EBF1: variants seen among roughly 807,000 people sequenced by gnomAD.
EBF1 encodes the protein EBF transcription factor 1, also known as transcription factor COE1.
EBF1 carries 10 observed loss-of-function variants against 68.4 expected under a neutral mutation model. The ratio of observed to expected loss-of-function variants is 0.15; its 90% CI spans 0.09 to 0.25. The LOEUF (loss-of-function observed/expected upper bound fraction) is 0.25, where lower values mean the gene tolerates loss of function less well. EBF1 is among the 10% of genes least tolerant of loss of function. The pLI, the probability that EBF1 is intolerant of heterozygous loss-of-function variation, is 1.00. For synonymous variants in EBF1, 298 were observed against 299.8 expected, an observed-to-expected ratio of 0.99 and a Z score of 0.06; for missense variants, 509 against 794.4, an observed-to-expected ratio of 0.64 and a Z score of 4.32.
chr5:158,711,064 G>T (rs1316998897), intron 14 of EBF1, among the ~76,000 whole-genome samples: 1 of 152,168 alleles, frequency 6.6e-6, no homozygotes, highest in East Asian at 1.9e-4. Context: ...CTTCTTTAAG[G>T]CAGAGACAAG....
intron 3 of EBF1, 131 bp downstream of exon 3, chr5:159,096,212 G>A: frequency 3.0e-6 from 3 of 986,590 alleles, no homozygotes; most frequent in African/African-American, 1.6e-5. Flanking sequence ...AAATTTAGGA[G>A]AGGCTGGTTC....
intron 8 of EBF1, among the ~76,000 whole-genome samples, chr5:158,821,681 G>A (rs749096510): frequency 3.3e-5 from 5 of 152,126 alleles, no homozygotes; most frequent in African/African-American, 4.8e-5. Flanking sequence ...AATGCCTTAA[G>A]TGACTCCAAG....
chr5:158,808,617 A>ATTT (rs1782022879), intron 8 of EBF1, among the ~76,000 whole-genome samples: 1 of 152,156 alleles, frequency 6.6e-6, no homozygotes, highest in African/African-American at 2.4e-5. Context: ...GAGGACAATA[A>ATTT]TTATAAGACA....
Position 159,010,138 on chromosome 5 carries a change from C to A in EBF1, c.554+63258G>T, listed in dbSNP as rs550050688. 2.4e-3 allele frequency among the ~76,000 whole-genome samples: 358 copies of A among 152,258 alleles called. 2 individuals carry two copies. Among genetic ancestry groups the A allele is most frequent in the African/African-American group, 8.2e-3 (342 of 41,548 alleles). On this transcript the variant is annotated intron_variant, in intron 6 of 15. Transcript: ENST00000313708. ...AAAGTCTAATTATTGAAACAAAAGA[C>A]AGAAGTTATGCTAAGTCATGGGCAA...
chr5:158,885,723 G>A (rs945175316), intron 6 of EBF1, among the ~76,000 whole-genome samples: 1 of 152,092 alleles, frequency 6.6e-6, no homozygotes, highest in African/African-American at 2.4e-5. Flanking sequence ...CACAATGTCT[G>A]GGCAAGTCAT....
chr5:158,699,525 C>CAAAAT (rs1756298984), intron 15 of EBF1, among the ~76,000 whole-genome samples: 1 of 152,100 alleles, frequency 6.6e-6, no homozygotes, highest in Non-Finnish European at 1.5e-5. Context: ...CCTTCACACC[C>CAAAAT]AAAATATAAA....
At chr5:158,971,904 A>G (rs1024716218) in intron 6 of EBF1, among the ~76,000 whole-genome samples, 2 of 152,220 alleles carry the variant, frequency 1.3e-5, no homozygotes, top group Non-Finnish European at 2.9e-5. Flanking sequence ...GATTCATACC[A>G]AAGACTATAG....
chr5:159,066,335 AG>A (rs1197585521), intron 6 of EBF1, among the ~76,000 whole-genome samples: 4 of 152,210 alleles, frequency 2.6e-5, no homozygotes, highest in Non-Finnish European at 5.9e-5. Flanking sequence ...ATAATTTGCC[AG>A]CATGTCTAGC....
intron 8 of EBF1, among the ~76,000 whole-genome samples, chr5:158,808,653 G>T (rs1454101171): frequency 2.6e-5 from 4 of 152,246 alleles, no homozygotes; most frequent in African/African-American, 7.2e-5. Flanking sequence ...TTGTTGTAAG[G>T]TTTGAATGAG....
intron 6 of EBF1, among the ~76,000 whole-genome samples, chr5:158,899,022 C>A (rs1317262822): frequency 1.3e-5 from 2 of 152,234 alleles, no homozygotes; most frequent in African/African-American, 2.4e-5. Flanking sequence ...CAGCCCAAGA[C>A]TGTAGACACA....
At chr5:158,935,623 C>T (rs1811847740) in intron 6 of EBF1, among the ~76,000 whole-genome samples, 1 of 152,210 alleles carries the variant, frequency 6.6e-6, no homozygotes, top group Admixed American at 6.5e-5. Flanking sequence ...TAGAAAAAGA[C>T]AAACTAACAT....
rs148356331 is a variant in EBF1, at chr5:158,836,936, C to A, written c.636+3093G>T. 1.8e-3 allele frequency among the ~76,000 whole-genome samples: 269 copies of A among 152,302 alleles called. 1 individual carries two copies. Among genetic ancestry groups the A allele is most frequent in the Middle Eastern group, 3.4e-3 (1 of 294 alleles). On this transcript the variant is annotated intron_variant, in intron 7 of 15. Transcript: ENST00000313708. Reference sequence around the variant, plus strand: ...CCCATTTGAGAATCACAGGCAAGAGCATTGTCAGTGTCAGAGTTCAGATAA... The same window carrying A: ...CCCATTTGAGAATCACAGGCAAGAGAATTGTCAGTGTCAGAGTTCAGATAA...
chr5:158,713,232 C>T, intron 12 of EBF1, 85 bp from the exon 13 acceptor site: 1 of 1,207,444 alleles, frequency 8.3e-7, no homozygotes, highest in Non-Finnish European at 1.1e-6. Flanking sequence ...GTACCGTGCT[C>T]AGGGTTTTCA....
intron 6 of EBF1, among the ~76,000 whole-genome samples, chr5:158,915,697 G>T (rs1297492892): frequency 1.3e-5 from 2 of 152,338 alleles, no homozygotes; most frequent in Admixed American, 6.5e-5. Context: ...CAAGGAGGCA[G>T]AGAAGGGGGT....
chr5:158,912,888 A>ATGCTGACC (rs1353450091), intron 6 of EBF1, among the ~76,000 whole-genome samples: 1 of 152,236 alleles, frequency 6.6e-6, no homozygotes, highest in East Asian at 1.9e-4. Context: ...GGTAGTATAG[A>ATGCTGACC]TGCTGACCGC....
intron 6 of EBF1, among the ~76,000 whole-genome samples, chr5:158,933,386 T>A (rs1324951678): frequency 6.6e-6 from 1 of 152,214 alleles, no homozygotes; most frequent in Non-Finnish European, 1.5e-5. Context: ...CAAGCCATCT[T>A]GTCAGCTGGA....
chr5:158,777,577 A>G lies in EBF1; in HGVS notation c.910-38T>C, dbSNP rs1263947269. The G allele has an allele frequency of 2.5e-6, 4 of 1,572,978 alleles. No individual in the cohort carries two copies. The South Asian group carries it at 3.6e-5, about 14-fold the overall frequency. On this transcript the variant is annotated intron_variant, in intron 9 of 15. Transcript: ENST00000313708. ...TTTGGGGGGAAAAATTGTCATTGCA[A>G]TAGTTAAAACTTCACAGTCTTCCTA...
chr5:158,813,575 C>T (rs1387573549), intron 8 of EBF1, among the ~76,000 whole-genome samples: 2 of 152,110 alleles, frequency 1.3e-5, no homozygotes, highest in African/African-American at 4.8e-5. Flanking sequence ...GCCACTTTTC[C>T]AAGGCTGCAG....
intron 8 of EBF1, among the ~76,000 whole-genome samples, chr5:158,802,879 A>G (rs755346062): frequency 1.3e-5 from 2 of 152,116 alleles, no homozygotes; most frequent in Non-Finnish European, 1.5e-5. Flanking sequence ...CTCCCCATTA[A>G]CTAGAGTTTA....
Sources: allele counts gnomAD v4.1 joint callset (sites outside exome capture counted in the v4.1 genomes callset), GRCh38; gene constraint gnomAD v4.1.1; transcripts MANE v1.5; gene names NCBI Gene and HGNC (gene_info 2026-07-23, HGNC 2026-07-21).